DNAH6: variants seen among roughly 807,000 people sequenced by gnomAD.
DNAH6 encodes the protein dynein axonemal heavy chain 6.
A neutral mutation model predicts 491.4 loss-of-function variants in DNAH6; 340 were observed. The observed-to-expected ratio is 0.69, with a 90% CI of 0.63 to 0.76. DNAH6 has a LOEUF of 0.76. DNAH6 is among the 30% of genes least tolerant of loss of function. The probability of loss-of-function intolerance (pLI) is 0.00; values close to 1 mark genes in which losing one functional copy is unlikely to be tolerated. For missense variants in DNAH6, 4,443 were observed against 4,972.2 expected, an observed-to-expected ratio of 0.89 and a Z score of 3.20; for synonymous variants, 1,603 against 1,686.1, an observed-to-expected ratio of 0.95 and a Z score of 1.21.
chr2:84,498,195 C>T, the DNAH6 span, among the ~76,000 whole-genome samples: 5 of 152,332 alleles, frequency 3.3e-5, no homozygotes, highest in South Asian at 4.1e-4. Context: ...TTTTCCCAAT[C>T]CCTCTTCCAT....
At chr2:84,615,774 G>GT (rs1241911072) in intron 22 of DNAH6, among the ~76,000 whole-genome samples, 4 of 147,440 alleles carry the variant, frequency 2.7e-5, no homozygotes, top group African/African-American at 1.1e-4. Context: ...ATATTTCTAA[G>GT]TATTTTTTTT....
In DNAH6 at chr2:84,621,328, C is replaced by T. The variant is rs59416718; in HGVS notation, c.3930C>T (p.Asp1310=). The change falls in exon 25 of 77, where the codon GAC becomes GAT. Residue 1310 remains aspartate, a synonymous_variant. Transcript: ENST00000389394. ...IADYQGKLRT[D]WVVAGHPSQV... ...ACTATCAGGGGAAACTGAGGACAGA[C>T]TGGGTGGTTGCTGGCCACCCTTCTC... The T allele has an allele frequency of 2.4e-3, 3,710 of 1,551,578 alleles. 61 individuals carry two copies. In the African/African-American group the frequency reaches 0.04, roughly 17 times the overall value.
At chr2:84,660,449 G>A (rs1691392036) in intron 37 of DNAH6, among the ~76,000 whole-genome samples, 1 of 151,998 alleles carries the variant, frequency 6.6e-6, no homozygotes, top group Non-Finnish European at 1.5e-5. Flanking sequence ...CTTTCTTATG[G>A]CTAATACCAA....
intron 62 of DNAH6, among the ~76,000 whole-genome samples, chr2:84,735,132 T>C (rs191992407): frequency 6.6e-6 from 1 of 152,334 alleles, no homozygotes; most frequent in Admixed American, 6.5e-5. Context: ...CTCCCACTTG[T>C]AAGTGAGACC....
chr2:84,461,990 C>T, the DNAH6 span, among the ~76,000 whole-genome samples: 7 of 152,306 alleles, frequency 4.6e-5, no homozygotes, highest in South Asian at 2.1e-4. Context: ...AAATAAATCT[C>T]GGGACCCCAA....
chr2:84,803,767 A>G (rs1309608835), intron 70 of DNAH6, among the ~76,000 whole-genome samples: 1 of 152,176 alleles, frequency 6.6e-6, no homozygotes, highest in Admixed American at 6.5e-5. Flanking sequence ...ATGATACACT[A>G]TTGTTGGAAA....
chr2:84,505,573 T>C, the DNAH6 span, among the ~76,000 whole-genome samples: 1 of 152,172 alleles, frequency 6.6e-6, no homozygotes, highest in Non-Finnish European at 1.5e-5. Context: ...TTTTTTATTA[T>C]TATACTTTAA....
intron 42 of DNAH6, among the ~76,000 whole-genome samples, chr2:84,683,311 C>T (rs904199860): frequency 1.3e-5 from 2 of 151,916 alleles, no homozygotes; most frequent in Admixed American, 1.3e-4. Flanking sequence ...ATAAACAAGT[C>T]TCCCCTGATT....
chr2:84,791,161 G>A (rs1041409316), intron 68 of DNAH6, among the ~76,000 whole-genome samples: 2 of 148,838 alleles, frequency 1.3e-5, no homozygotes, highest in African/African-American at 5.0e-5. Flanking sequence ...CTGCACTCCA[G>A]CCTGGGCGAG....
At chr2:84,558,806 A>T (rs1680343660) in intron 11 of DNAH6, among the ~76,000 whole-genome samples, 2 of 152,216 alleles carry the variant, frequency 1.3e-5, no homozygotes, top group South Asian at 2.1e-4. Flanking sequence ...TAAAGAAACA[A>T]GCATTATTCC....
chr2:84,505,197 A>T, the DNAH6 span, among the ~76,000 whole-genome samples: 1 of 152,178 alleles, frequency 6.6e-6, no homozygotes, highest in Non-Finnish European at 1.5e-5. Context: ...TTGTGGGTTG[A>T]TCATGTATCC....
chr2:84,550,118 A>G, intron 9 of DNAH6, 61 bp downstream of exon 9: 3 of 1,299,880 alleles, frequency 2.3e-6, no homozygotes, highest in South Asian at 2.8e-5. Flanking sequence ...AGTGCAAACT[A>G]CGCTCTATGA....
upstream of DNAH6, among the ~76,000 whole-genome samples, chr2:84,514,861 C>CCAGACACACACA (rs1277802821): frequency 2.3e-5 from 1 of 43,572 alleles, no homozygotes; most frequent in African/African-American, 1.1e-4. Context: ...CCCCACTTCA[C>CCAGACACACACA]CACAGTCACA....
rs936080935 is a variant in DNAH6, at chr2:84,815,926, T to C, written c.12216T>C (p.Asp4072=). 2.0e-5 allele frequency: 31 copies of C among 1,551,712 alleles called. No homozygotes were observed. The highest frequency in any genetic ancestry group is 2.6e-5 in the Non-Finnish European group (30 of 1,147,036). ...TCATGGATGCTTCTCGATGGGATGA[T>C]AAGGAGATGGTGATAGAAGATGCAT... ...GMFMDASRWD[D]KEMVIEDALP... The change falls in exon 76 of 77, where the codon GAT becomes GAC. Residue 4072 remains aspartate (D), a synonymous_variant. Transcript: ENST00000389394.
the DNAH6 span, among the ~76,000 whole-genome samples, chr2:84,500,255 T>C: frequency 5.9e-5 from 9 of 152,178 alleles, no homozygotes; most frequent in African/African-American, 2.2e-4. Context: ...CATATGAATA[T>C]CCAGTTTTTC....
chr2:84,679,528 C>A (rs908268809), intron 41 of DNAH6, among the ~76,000 whole-genome samples: 6 of 152,176 alleles, frequency 3.9e-5, no homozygotes, highest in African/African-American at 1.4e-4. Context: ...GTGATCAGCT[C>A]CATAAACTAG....
chr2:84,589,159 A>G (rs1234501858), intron 16 of DNAH6, among the ~76,000 whole-genome samples: 1 of 152,242 alleles, frequency 6.6e-6, no homozygotes, highest in Non-Finnish European at 1.5e-5. Flanking sequence ...GAGATACCGA[A>G]TATCTTTCTT....
rs35839006 is a variant in DNAH6, at chr2:84,808,131, ATGTGTGTG to A, written c.11612-252_11612-245del. 2.5e-3 allele frequency among the ~76,000 whole-genome samples: 348 copies of A among 141,258 alleles called. 1 individual carries two copies. Among genetic ancestry groups the A allele is most frequent in the South Asian group, 4.0e-3 (18 of 4,474 alleles). 92.7% of individuals were successfully genotyped at this position (141,258 alleles called of 152,430 possible). On this transcript the variant is annotated intron_variant, in intron 71 of 76. Transcript: ENST00000389394. ...GTTTGAGAAAAAAAAGTGTATATAT[ATGTGTGTG>A]TGTGTGTGTGTGTGTGTGTGTGTGT...
chr2:84,526,748 A>G (rs1232779590), intron 3 of DNAH6, among the ~76,000 whole-genome samples: 2 of 152,158 alleles, frequency 1.3e-5, no homozygotes, highest in Non-Finnish European at 2.9e-5. Context: ...TGGAATTATA[A>G]AGCTTCAGTT....
Sources: allele counts gnomAD v4.1 joint callset (sites outside exome capture counted in the v4.1 genomes callset), GRCh38; gene constraint gnomAD v4.1.1; transcripts MANE v1.5; gene names NCBI Gene and HGNC (gene_info 2026-07-23, HGNC 2026-07-21).